The following MALRD1 variants were observed in gnomAD, a reference collection of about 807,000 sequenced individuals.
MALRD1 encodes MAM and LDL receptor class A domain containing 1, also known as MAM and LDL-receptor class A domain-containing protein 1.
Under a neutral mutation model 242.1 loss-of-function variants are expected in MALRD1, and 247 were observed. That is an observed-to-expected ratio of 1.02 (90% CI 0.92 to 1.13). The LOEUF is 1.13. Ranked by LOEUF, MALRD1 falls within the 50% of genes most tolerant of loss-of-function variation. MALRD1 has a pLI of 0.00. For missense variants in MALRD1, 2,989 were observed against 2,533.1 expected, an observed-to-expected ratio of 1.18 and a Z score of -3.86; for synonymous variants, 995 against 866.6, an observed-to-expected ratio of 1.15 and a Z score of -2.60.
At chr10:19,488,366 G>A (rs1164201952) in intron 29 of MALRD1, among the ~76,000 whole-genome samples, 1 of 152,108 alleles carries the variant, frequency 6.6e-6, no homozygotes, top group African/African-American at 2.4e-5. Context: ...AGTCTGGGGG[G>A]ACAGCCAGCC....
intron 21 of MALRD1, among the ~76,000 whole-genome samples, chr10:19,290,691 C>G (rs1460006277): frequency 2.6e-5 from 4 of 152,102 alleles, no homozygotes; most frequent in Non-Finnish European, 5.9e-5. Flanking sequence ...GCTCCAACAA[C>G]TACTAAGGCA....
intron 30 of MALRD1, among the ~76,000 whole-genome samples, 167 bp from the exon 31 acceptor site, chr10:19,498,318 A>G (rs1346778801): frequency 6.6e-6 from 1 of 152,232 alleles, no homozygotes; most frequent in Non-Finnish European, 1.5e-5. Context: ...CTGCTTCTAG[A>G]TCCTTCAATT....
chr10:19,452,622 G>C (rs1706436603), intron 29 of MALRD1, among the ~76,000 whole-genome samples: 1 of 152,202 alleles, frequency 6.6e-6, no homozygotes, highest in Admixed American at 6.5e-5. Context: ...TTATGAGAAA[G>C]TTTGAAAGAC....
At chr10:19,137,239 A>G (rs1232890848) in intron 10 of MALRD1, among the ~76,000 whole-genome samples, 1 of 151,362 alleles carries the variant, frequency 6.6e-6, no homozygotes, top group Non-Finnish European at 1.5e-5. Context: ...GGCAGCTACC[A>G]TGATTGTAGA....
At chr10:19,289,899 C>T (rs761566199) in intron 21 of MALRD1, among the ~76,000 whole-genome samples, 2 of 152,066 alleles carry the variant, frequency 1.3e-5, no homozygotes, top group African/African-American at 2.4e-5. Context: ...TCTCTGATCC[C>T]GGCTGTCTTG....
intron 38 of MALRD1, chr10:19,724,887 A>G (rs1486906293): frequency 6.6e-6 from 1 of 152,228 alleles, no homozygotes; most frequent in Admixed American, 6.5e-5. Flanking sequence ...GTTACAAGGT[A>G]TAAGAGCAAC....
chr10:19,454,297 G>T (rs2131059611), intron 29 of MALRD1, among the ~76,000 whole-genome samples: 1 of 151,086 alleles, frequency 6.6e-6, no homozygotes, highest in South Asian at 2.1e-4. Flanking sequence ...TTTCTATAAG[G>T]GGGAAGGCAG....
At chr10:19,655,893 G>C (rs867677701) in intron 36 of MALRD1, among the ~76,000 whole-genome samples, 3 of 152,112 alleles carry the variant, frequency 2.0e-5, no homozygotes, top group Middle Eastern at 3.2e-3. Flanking sequence ...AGCTGATTAA[G>C]TGTATAGAAT....
chr10:19,202,457 A>ATATT (rs1836580327), intron 14 of MALRD1, among the ~76,000 whole-genome samples: 1 of 152,178 alleles, frequency 6.6e-6, no homozygotes, highest in African/African-American at 2.4e-5. Flanking sequence ...ATTCAAAATG[A>ATATT]TATTTTTATC....
intron 19 of MALRD1, among the ~76,000 whole-genome samples, chr10:19,262,741 A>G (rs1588804488): frequency 6.6e-6 from 1 of 151,984 alleles, no homozygotes; most frequent in East Asian, 1.9e-4. Context: ...AGTCAACAGA[A>G]CTTATTCTTC....
chr10:19,176,774 G>A (rs757163979), intron 14 of MALRD1, among the ~76,000 whole-genome samples: 1 of 152,066 alleles, frequency 6.6e-6, no homozygotes, highest in Non-Finnish European at 1.5e-5. Flanking sequence ...ATGTGTTCAT[G>A]CAAGTGTGTG....
chr10:19,517,051 C>G (rs1833669179), intron 31 of MALRD1, among the ~76,000 whole-genome samples: 1 of 152,102 alleles, frequency 6.6e-6, no homozygotes, highest in African/African-American at 2.4e-5. Flanking sequence ...TTTTAGTTGA[C>G]CGAGTAATTC....
At chr10:19,613,288 C>A (rs527264603) in intron 35 of MALRD1, among the ~76,000 whole-genome samples, 8 of 151,934 alleles carry the variant, frequency 5.3e-5, no homozygotes, top group Non-Finnish European at 8.8e-5. Flanking sequence ...AGGTTCAGAC[C>A]TGCAAATTCC....
chr10:19,227,630 G>A (rs1039654802), intron 18 of MALRD1, among the ~76,000 whole-genome samples: 24 of 152,004 alleles, frequency 1.6e-4, no homozygotes, highest in Admixed American at 4.6e-4. Flanking sequence ...AAATTAAAAC[G>A]TTTGCAATTT....
intron 36 of MALRD1, among the ~76,000 whole-genome samples, chr10:19,667,480 C>T (rs1268035429): frequency 6.6e-6 from 1 of 152,000 alleles, no homozygotes; most frequent in Non-Finnish European, 1.5e-5. Context: ...GAGTTGGGGC[C>T]TGGTGGGAGG....
intron 21 of MALRD1, among the ~76,000 whole-genome samples, chr10:19,319,450 C>G (rs950016693): frequency 6.6e-6 from 1 of 152,104 alleles, no homozygotes; most frequent in Middle Eastern, 3.2e-3. Flanking sequence ...ACATGTGGAT[C>G]TGTTTCAGGA....
At chr10:19,243,410 T>C (rs1162521193) in intron 18 of MALRD1, among the ~76,000 whole-genome samples, 5 of 152,138 alleles carry the variant, frequency 3.3e-5, no homozygotes, top group African/African-American at 4.8e-5. Context: ...TTAAAAAGTC[T>C]TTATCAGTTT....
At chr10:19,423,167 G>C (rs1833777939) in intron 28 of MALRD1, among the ~76,000 whole-genome samples, 1 of 152,048 alleles carries the variant, frequency 6.6e-6, no homozygotes, top group African/African-American at 2.4e-5. Flanking sequence ...ATCTTATGTA[G>C]AAGATTTTGT....
chr10:19,229,544 A>G (rs918803925), intron 18 of MALRD1, among the ~76,000 whole-genome samples: 7 of 152,046 alleles, frequency 4.6e-5, no homozygotes, highest in Non-Finnish European at 7.4e-5. Context: ...CATGCTTCTA[A>G]CTTGATTTGC....
Sources: gnomAD v4.1 joint callset for allele counts (sites outside exome capture counted in the v4.1 genomes callset) on GRCh38, gnomAD v4.1.1 for gene constraint, MANE v1.5 for transcripts, NCBI Gene and HGNC (gene_info 2026-07-23, HGNC 2026-07-21) for gene names.